The following PRKG2 variants were observed in gnomAD, a reference collection of about 807,000 sequenced individuals.
The protein encoded by PRKG2 is cGMP-dependent protein kinase 2.
A neutral mutation model predicts 97.2 loss-of-function variants in PRKG2; 33 were observed. That is an observed-to-expected ratio of 0.34 (90% CI 0.26 to 0.45). The LOEUF (loss-of-function observed/expected upper bound fraction) is 0.45. Among genes scored for constraint, PRKG2 ranks in the 20% least tolerant of loss-of-function variants. The pLI is 1.00. For missense variants in PRKG2, 638 were observed against 900.0 expected (o/e 0.71, Z 3.73); for synonymous variants, 330 against 321.8 (o/e 1.03, Z -0.27).
chr4:81,138,638 G>T lies in PRKG2; in HGVS notation c.1545-1156C>A, dbSNP rs142678022. ...AATGTGTTGATTATCTATACATATA[G>T]ATATAGCTTAGAACAGCACCTGGTG... is the stretch of plus-strand genomic sequence containing the variant. On this transcript the variant is annotated intron_variant, in intron 12 of 18. Transcript: ENST00000264399. 2.5e-3 allele frequency among the ~76,000 whole-genome samples: 381 copies of T among 151,930 alleles called. 10 individuals are homozygous for T. The East Asian group carries it at 0.027, about 11-fold the overall frequency.
intron 6 of PRKG2, among the ~76,000 whole-genome samples, chr4:81,159,413 C>A (rs1578443779): frequency 6.6e-6 from 1 of 152,162 alleles, no homozygotes; most frequent in African/African-American, 2.4e-5. Flanking sequence ...AATGAGATAC[C>A]ATTTCACACC....
chr4:81,113,615 A>G (rs181016366), intron 14 of PRKG2, among the ~76,000 whole-genome samples: 119 of 152,326 alleles, frequency 7.8e-4, no homozygotes, highest in Admixed American at 3.7e-3. Flanking sequence ...GCTGGTATCC[A>G]GTAAGTATGA....
At chr4:81,151,519 G>A (rs1308363724) in intron 8 of PRKG2, among the ~76,000 whole-genome samples, 4 of 151,944 alleles carry the variant, frequency 2.6e-5, no homozygotes, top group East Asian at 1.9e-4. Flanking sequence ...CTTGCAAAAC[G>A]AGCTGATAAA....
At chr4:81,114,361 C>T (rs1284199414) in intron 14 of PRKG2, among the ~76,000 whole-genome samples, 2 of 151,282 alleles carry the variant, frequency 1.3e-5, no homozygotes, top group South Asian at 2.1e-4. Flanking sequence ...TAATCATTAA[C>T]GTCAGTTTTA....
chr4:81,152,159 A>C (rs1748469273), intron 7 of PRKG2, 105 bp from the exon 8 acceptor site: 6 of 818,130 alleles, frequency 7.3e-6, no homozygotes, highest in Non-Finnish European at 1.2e-5. Flanking sequence ...AACTTGGACA[A>C]GGAAAAAGAC....
At chr4:81,143,802 A>T (rs1211184595) in intron 10 of PRKG2, among the ~76,000 whole-genome samples, 1 of 152,124 alleles carries the variant, frequency 6.6e-6, no homozygotes, top group Non-Finnish European at 1.5e-5. Context: ...AAAATTAATC[A>T]CTATTACTAC....
intron 2 of PRKG2, among the ~76,000 whole-genome samples, chr4:81,196,633 T>C (rs1352668856): frequency 6.6e-6 from 1 of 152,116 alleles, no homozygotes; most frequent in Non-Finnish European, 1.5e-5. Context: ...CCAATTAAAA[T>C]TGATTTGGCA....
chr4:81,152,298 T>C (rs992248525), intron 7 of PRKG2, among the ~76,000 whole-genome samples: 1 of 152,188 alleles, frequency 6.6e-6, no homozygotes, highest in African/African-American at 2.4e-5. Context: ...ATTCACCATC[T>C]AAACTCCACC....
At chr4:81,201,651 A>G (rs1331154030) in intron 2 of PRKG2, among the ~76,000 whole-genome samples, 1 of 152,192 alleles carries the variant, frequency 6.6e-6, no homozygotes, top group East Asian at 1.9e-4. Context: ...GTACCTTAGC[A>G]AAATCATAGA....
intron 14 of PRKG2, among the ~76,000 whole-genome samples, chr4:81,123,650 C>T (rs1473324054): frequency 6.6e-6 from 1 of 152,130 alleles, no homozygotes; most frequent in African/African-American, 2.4e-5. Flanking sequence ...ATGATCCGCT[C>T]GCCTCAGCCT....
At chr4:81,151,647 G>A (rs10029494) in intron 8 of PRKG2, among the ~76,000 whole-genome samples, 12,830 of 152,010 alleles carry the variant, frequency 0.084, 1,848 homozygotes, top group African/African-American at 0.29. Context: ...CAAATGTTGG[G>A]AATATAAAGA....
At chr4:81,102,369 C>A (rs1353383840) in intron 17 of PRKG2, among the ~76,000 whole-genome samples, 1 of 152,104 alleles carries the variant, frequency 6.6e-6, no homozygotes, top group East Asian at 1.9e-4. Flanking sequence ...ACATGAAGAA[C>A]CTTCCATAAT....
intron 14 of PRKG2, among the ~76,000 whole-genome samples, chr4:81,129,459 T>C (rs1745939344): frequency 6.6e-6 from 1 of 152,184 alleles, no homozygotes; most frequent in Non-Finnish European, 1.5e-5. Context: ...TATTATTGTG[T>C]AGGAATCTAA....
Position 81,152,017 on chromosome 4 carries a change from G to A in PRKG2, c.1028C>T (p.Pro343Leu). 2 of 1,613,066 alleles carry A rather than the reference G, an allele frequency of 1.2e-6. No homozygotes were observed. Among genetic ancestry groups the A allele is most frequent in the Non-Finnish European group, 1.7e-6 (2 of 1,179,450 alleles). Residue 343 changes from proline (P) to leucine (L), a missense_variant, in exon 8 of 19, where the codon CCA (proline) becomes CTA (leucine). By Grantham distance (98) the Pro-to-Leu change is moderately conservative. Transcript: ENST00000264399. Reference sequence around the variant, plus strand: ...TTTCTGCAGTGTTTTTATCAGCTGTGGTTGATCATGGCCTTCTGTGCTCTG... The same window carrying A: ...TTTCTGCAGTGTTTTTATCAGCTGTAGTTGATCATGGCCTTCTGTGCTCTG... The part of the protein sequence containing the change: ...VTQSTEGHDQ[P>L]QLIKTLQKGE...
intron 14 of PRKG2, among the ~76,000 whole-genome samples, chr4:81,114,543 A>AGCTAATAATGGTCTG (rs1744312756): frequency 6.6e-6 from 1 of 152,242 alleles, no homozygotes; most frequent in Admixed American, 6.5e-5. Flanking sequence ...TGTCAAGTAC[A>AGCTAATAATGGTCTG]GCTAATAATG....
intron 1 of PRKG2, 47 bp from the exon 2 acceptor site, chr4:81,205,107 C>G: frequency 8.6e-7 from 1 of 1,164,762 alleles, no homozygotes; most frequent in South Asian, 1.6e-5. Context: ...TTTCACTTCC[C>G]AACAGTCCCC....
At chr4:81,203,401 AATTG>A (rs1753437779) in intron 2 of PRKG2, among the ~76,000 whole-genome samples, 2 of 152,254 alleles carry the variant, frequency 1.3e-5, no homozygotes, top group African/African-American at 4.8e-5. Context: ...ACTGTCAACA[AATTG>A]ATTAATTAAA....
intron 2 of PRKG2, among the ~76,000 whole-genome samples, chr4:81,189,047 A>C (rs1752176600): frequency 2.1e-5 from 2 of 96,976 alleles, no homozygotes; most frequent in Admixed American, 2.2e-4. Context: ...AAAGAAAAAA[A>C]AAAGATTAAA....
intron 16 of PRKG2, among the ~76,000 whole-genome samples, chr4:81,105,386 A>G (rs905902566): frequency 6.6e-6 from 1 of 152,172 alleles, no homozygotes; most frequent in Non-Finnish European, 1.5e-5. Context: ...AAACAAGAAC[A>G]TTGAATATTT....
Sources: gnomAD v4.1 joint callset for allele counts (sites outside exome capture counted in the v4.1 genomes callset) on GRCh38, gnomAD v4.1.1 for gene constraint, MANE v1.5 for transcripts, NCBI Gene and HGNC (gene_info 2026-07-23, HGNC 2026-07-21) for gene names.